Variants in PPARD observed in about 807,000 individuals in gnomAD.
PPARD encodes the protein peroxisome proliferator activated receptor delta.
PPARD carries 6 observed loss-of-function variants against 39.5 expected under a neutral mutation model. That is an observed-to-expected ratio of 0.15 (90% confidence interval 0.08 to 0.30). The LOEUF (loss-of-function observed/expected upper bound fraction) is 0.30. Among genes scored for constraint, PPARD ranks in the 10% least tolerant of loss-of-function variants. PPARD has a pLI of 1.00. For synonymous variants in PPARD, 210 were observed against 231.3 expected (o/e 0.91, Z 0.83); for missense variants, 397 against 596.8 (o/e 0.67, Z 3.49).
In PPARD at chr6:35,363,070, G is replaced by A. The variant is rs543166373; in HGVS notation, c.-102+15920G>A. On this transcript the variant is annotated intron_variant, in intron 2 of 7. Coordinates refer to ENST00000360694, the MANE Select transcript of PPARD (RefSeq NM_006238.5). This position sits in a 1 kb window ranked among gnomAD's most constrained non-coding sequence, Gnocchi z 4.5. ...TCCATGCATCAGTAACTCAGATTCC[G>A]TTCCAGAAACGCATCTCAAAGCAAG... Among the ~76,000 whole-genome samples, 11 of 152,310 alleles carry A rather than the reference G, an allele frequency of 7.2e-5. No individual in the cohort carries two copies. Among genetic ancestry groups the A allele is most frequent in the South Asian group, 2.1e-4 (1 of 4,826 alleles).
intron 2 of PPARD, among the ~76,000 whole-genome samples, chr6:35,349,373 G>T (rs1327492071): frequency 1.3e-5 from 2 of 152,158 alleles, no homozygotes; most frequent in Admixed American, 6.5e-5. Context: ...AGGACCAGGG[G>T]TGTGTCCAAT....
chr6:35,395,946 G>C (rs544726267), intron 2 of PPARD, among the ~76,000 whole-genome samples: 1 of 152,178 alleles, frequency 6.6e-6, no homozygotes, highest in Non-Finnish European at 1.5e-5. Flanking sequence ...ATAATGCCTG[G>C]CACACAGAGG....
chr6:35,421,188 C>G (rs568272005), intron 4 of PPARD, among the ~76,000 whole-genome samples: 1 of 152,080 alleles, frequency 6.6e-6, no homozygotes, highest in East Asian at 2.0e-4. Flanking sequence ...GTCTTGAACT[C>G]CTGACCTCAG....
rs1762038988 is a variant in PPARD at position 35,363,638 on chromosome 6, A to C, written c.-102+16488A>C. ...GTGAGGCGGGGGCCAGGCCTTGCCC[A>C]AGAGTCAGAAAGTGGGAAGTCACGG... On this transcript the variant is annotated intron_variant, in intron 2 of 7. Transcript: ENST00000360694. The surrounding 1 kb of genome is among the most constrained non-coding windows in gnomAD (Gnocchi z 4.5). 6.6e-6 allele frequency among the ~76,000 whole-genome samples: 1 copy of C among 152,014 alleles called. No individual in the cohort carries two copies. Among genetic ancestry groups the C allele is most frequent in the African/African-American group, 2.4e-5 (1 of 41,376 alleles).
At chr6:35,364,826 C>T (rs983446346) in intron 2 of PPARD, among the ~76,000 whole-genome samples, 13 of 151,870 alleles carry the variant, frequency 8.6e-5, no homozygotes, top group Non-Finnish European at 1.6e-4. Flanking sequence ...TCTTCTGCCT[C>T]AGCCTCCCGA....
chr6:35,383,882 C>A (rs1465104739), intron 2 of PPARD, among the ~76,000 whole-genome samples: 1 of 146,138 alleles, frequency 6.8e-6, no homozygotes, highest in African/African-American at 2.7e-5. Context: ...GCAGCCACCC[C>A]GTCTGGGAAG....
intron 2 of PPARD, among the ~76,000 whole-genome samples, chr6:35,356,240 C>T (rs965235153): frequency 6.6e-6 from 1 of 152,166 alleles, no homozygotes; most frequent in Non-Finnish European, 1.5e-5. Flanking sequence ...ACCACTTGAT[C>T]CTTATCACTG....
At chr6:35,380,472 GTTTGTTTTTTTTTTTT>G (rs1562190310) in intron 2 of PPARD, among the ~76,000 whole-genome samples, 224 of 31,330 alleles carry the variant, frequency 7.1e-3, no homozygotes, top group Middle Eastern at 0.021. Context: ...TTTTTTTTTT[GTTTGTTTTTTTTTTTT>G]TTTTTTTTTT....
intron 2 of PPARD, among the ~76,000 whole-genome samples, chr6:35,359,504 C>T (rs550534512): frequency 7.2e-5 from 11 of 152,166 alleles, no homozygotes; most frequent in South Asian, 2.1e-4. Context: ...GGCCATTCAC[C>T]GCGTAGTTCT....
At chr6:35,368,297 C>G (rs1762307917) in intron 2 of PPARD, among the ~76,000 whole-genome samples, 1 of 152,204 alleles carries the variant, frequency 6.6e-6, no homozygotes, top group African/African-American at 2.4e-5. Flanking sequence ...TGTGGAGTTT[C>G]CCTTTCTGCG....
intron 2 of PPARD, among the ~76,000 whole-genome samples, chr6:35,410,237 T>C (rs1038258556): frequency 6.6e-6 from 1 of 152,220 alleles, no homozygotes; most frequent in Non-Finnish European, 1.5e-5. Context: ...ATTTCCCCGC[T>C]GGGAGACTCT....
In PPARD at chr6:35,342,595, G is replaced by A. The variant is rs1040136439; in HGVS notation, c.-272G>A. The A allele has an allele frequency of 1.3e-5, 2 of 152,660 alleles. No individual in the cohort carries two copies. The highest frequency in any genetic ancestry group is 4.8e-5 in the African/African-American group (2 of 41,466). 9.5% of individuals were successfully genotyped at this position (152,660 alleles called of 1,614,324 possible). A position where few individuals can be genotyped will look rare whatever the true frequency, so the allele number is the denominator to read the frequency against. ...ACGCTGCGGCCGCCGCGGACCTGGG[G>A]ATTAATGGGAAAAGTTTTGGCAGGA... On this transcript the variant is annotated 5_prime_UTR_variant, in exon 1 of 8. Transcript: ENST00000360694.
chr6:35,347,951 A>G (rs986766701), intron 2 of PPARD, among the ~76,000 whole-genome samples: 115 of 138,618 alleles, frequency 8.3e-4, no homozygotes, highest in African/African-American at 3.0e-3. Flanking sequence ...CTTGTTGTCC[A>G]GGCTGGAGTG....
At chr6:35,420,374 C>G in intron 4 of PPARD, 93 bp downstream of exon 4, 2 of 1,454,240 alleles carry the variant, frequency 1.4e-6, no homozygotes, top group Non-Finnish European at 1.8e-6. Flanking sequence ...TGGGGTGGGG[C>G]CCTGACTGTA....
intron 2 of PPARD, chr6:35,349,047 A>T (rs1761063810): frequency 1.1e-6 from 1 of 931,854 alleles, no homozygotes. Flanking sequence ...TTTTTTTGAG[A>T]CGGAGTCTCG....
intron 2 of PPARD, among the ~76,000 whole-genome samples, chr6:35,353,949 C>T (rs1458203289): frequency 6.6e-6 from 1 of 152,146 alleles, no homozygotes; most frequent in Non-Finnish European, 1.5e-5. Context: ...AAAAGCCATA[C>T]ACGGCTGGGC....
intron 2 of PPARD, among the ~76,000 whole-genome samples, chr6:35,386,984 C>T (rs893081440): frequency 6.7e-6 from 1 of 150,116 alleles, no homozygotes; most frequent in African/African-American, 2.4e-5. Context: ...GGGAAACCTG[C>T]TTTCCCCCAC....
chr6:35,404,053 G>A (rs1242905248), intron 2 of PPARD, among the ~76,000 whole-genome samples: 1 of 152,206 alleles, frequency 6.6e-6, no homozygotes, highest in Non-Finnish European at 1.5e-5. Flanking sequence ...GGGACTGGCA[G>A]CCAGACAGAG....
intron 2 of PPARD, among the ~76,000 whole-genome samples, chr6:35,404,934 T>G (rs1410697327): frequency 1.4e-5 from 2 of 147,204 alleles, no homozygotes; most frequent in Non-Finnish European, 3.0e-5. Flanking sequence ...GCATGGGGGC[T>G]GCATGTGCAC....
Sources: gnomAD v4.1 joint callset for allele counts (sites outside exome capture counted in the v4.1 genomes callset) on GRCh38, gnomAD v4.1.1 for gene constraint, Gnocchi (gnomAD v3.1) non-coding constraint, MANE v1.5 for transcripts, NCBI Gene and HGNC (gene_info 2026-07-23, HGNC 2026-07-21) for gene names.